GALNTL6: variants seen among roughly 807,000 people sequenced by gnomAD.
GALNTL6 encodes the protein polypeptide N-acetylgalactosaminyltransferase like 6.
Under a neutral mutation model 73.7 loss-of-function variants are expected in GALNTL6, and 46 were observed. The observed-to-expected ratio is 0.62, with a 90% confidence interval of 0.49 to 0.80. The LOEUF (loss-of-function observed/expected upper bound fraction) is 0.80. Ranked by LOEUF, GALNTL6 falls within the 30% of genes least tolerant of loss-of-function variation. The pLI is 0.00. For missense variants in GALNTL6, 604 were observed against 755.0 expected (o/e 0.80, Z 2.34); for synonymous variants, 259 against 263.7 (o/e 0.98, Z 0.17).
chr4:171,951,181 G>GA (rs1407968463), intron 2 of GALNTL6, among the ~76,000 whole-genome samples: 1 of 151,750 alleles, frequency 6.6e-6, no homozygotes, highest in Non-Finnish European at 1.5e-5. Context: ...GAAAAAGGAA[G>GA]AAAAGAAGTT....
intron 5 of GALNTL6, among the ~76,000 whole-genome samples, chr4:172,622,626 C>A (rs1458076965): frequency 6.6e-6 from 1 of 152,062 alleles, no homozygotes; most frequent in African/African-American, 2.4e-5. Flanking sequence ...ATAATATGCT[C>A]CTCTGAAACT....
intron 8 of GALNTL6, among the ~76,000 whole-genome samples, chr4:172,916,662 A>G (rs1303287616): frequency 2.0e-5 from 3 of 152,218 alleles, no homozygotes; most frequent in African/African-American, 7.2e-5. Context: ...TTCAAAGAGA[A>G]TAAAATACCT....
intron 5 of GALNTL6, among the ~76,000 whole-genome samples, chr4:172,625,697 C>T (rs774494530): frequency 6.6e-6 from 1 of 151,980 alleles, no homozygotes; most frequent in Non-Finnish European, 1.5e-5. Context: ...TGTGTATTGA[C>T]TTTTTAATAA....
At chr4:172,296,684 A>G (rs1446887136) in intron 3 of GALNTL6, among the ~76,000 whole-genome samples, 1 of 152,166 alleles carries the variant, frequency 6.6e-6, no homozygotes, top group East Asian at 1.9e-4. Context: ...CCTACAAAGG[A>G]CATGAACTCA....
chr4:172,706,857 T>C (rs1250234628), intron 5 of GALNTL6, among the ~76,000 whole-genome samples: 1 of 152,184 alleles, frequency 6.6e-6, no homozygotes, highest in Non-Finnish European at 1.5e-5. Context: ...CTGTCTCCTT[T>C]GGCTGAGATG....
intron 3 of GALNTL6, among the ~76,000 whole-genome samples, chr4:172,301,100 T>G (rs1455675416): frequency 3.3e-5 from 5 of 152,016 alleles, no homozygotes; most frequent in Non-Finnish European, 7.4e-5. Context: ...TTCTCTTCTC[T>G]CTTCATTTCA....
rs145756487 is a variant in GALNTL6 at position 172,820,353 on chromosome 4, A to C, written c.923+6630A>C. On this transcript the variant is annotated intron_variant, in intron 7 of 12. Coordinates refer to ENST00000506823, the MANE Select transcript of GALNTL6 (RefSeq NM_001034845.3). ...AAATTTTAGCATCCCACTTGGGTTAAATTTCATTGAGGGTTAGGGTTACCT... is the reference window on the plus strand; with the variant it reads ...AAATTTTAGCATCCCACTTGGGTTACATTTCATTGAGGGTTAGGGTTACCT... Among the ~76,000 whole-genome samples, 125 of 152,354 alleles carry C rather than the reference A, an allele frequency of 8.2e-4. No individual in the cohort carries two copies. The South Asian group carries it at 0.018, about 21-fold the overall frequency.
intron 5 of GALNTL6, among the ~76,000 whole-genome samples, chr4:172,520,658 G>T (rs563848566): frequency 7.9e-5 from 12 of 151,520 alleles, no homozygotes; most frequent in African/African-American, 2.9e-4. Context: ...AGAGCTTCAT[G>T]TTATTAGTAA....
chr4:172,233,245 T>C (rs1489600654), intron 3 of GALNTL6, among the ~76,000 whole-genome samples: 2 of 150,184 alleles, frequency 1.3e-5, no homozygotes, highest in East Asian at 2.0e-4. Flanking sequence ...CATGGTGACA[T>C]GTGCCTGTGG....
At chr4:171,919,160 T>A (rs912949590) in intron 2 of GALNTL6, among the ~76,000 whole-genome samples, 2 of 152,140 alleles carry the variant, frequency 1.3e-5, no homozygotes, top group Non-Finnish European at 2.9e-5. Flanking sequence ...TTACCACAGA[T>A]GAATAAAAGT....
intron 5 of GALNTL6, among the ~76,000 whole-genome samples, chr4:172,635,998 A>C (rs897868854): frequency 1.3e-5 from 2 of 152,120 alleles, no homozygotes; most frequent in African/African-American, 4.8e-5. Flanking sequence ...TCCACCTTTC[A>C]AGCACTGTCT....
At chr4:172,396,936 AT>A (rs1743869822) in intron 5 of GALNTL6, among the ~76,000 whole-genome samples, 1 of 152,196 alleles carries the variant, frequency 6.6e-6, no homozygotes, top group South Asian at 2.1e-4. Context: ...AAATTTAAAA[AT>A]AATATATAAT....
intron 2 of GALNTL6, among the ~76,000 whole-genome samples, chr4:171,970,442 T>G (rs982241549): frequency 1.3e-5 from 2 of 152,220 alleles, no homozygotes; most frequent in African/African-American, 2.4e-5. Context: ...TATTTAAATG[T>G]TCAATAAAAT....
chr4:171,866,454 A>G (rs1289271486), intron 2 of GALNTL6, among the ~76,000 whole-genome samples: 1 of 152,186 alleles, frequency 6.6e-6, no homozygotes, highest in African/African-American at 2.4e-5. Context: ...TACAAAATGA[A>G]GGGGTAAAAT....
chr4:171,934,600 G>C (rs950719479), intron 2 of GALNTL6, among the ~76,000 whole-genome samples: 1 of 151,956 alleles, frequency 6.6e-6, no homozygotes, highest in South Asian at 2.1e-4. Flanking sequence ...ATTTTTTGTA[G>C]AGACAGGGTT....
chr4:172,274,264 C>T (rs1738755361), intron 3 of GALNTL6, among the ~76,000 whole-genome samples: 1 of 152,230 alleles, frequency 6.6e-6, no homozygotes, highest in Middle Eastern at 3.4e-3. Context: ...ACCTTGTAAA[C>T]CTAGAACAAC....
At chr4:171,814,740 A>G (rs1333822156) in intron 2 of GALNTL6, 22 bp downstream of exon 2, 1 of 1,612,836 alleles carries the variant, frequency 6.2e-7, no homozygotes. Flanking sequence ...CCAGAGAAAG[A>G]TCACACAAGG....
intron 5 of GALNTL6, among the ~76,000 whole-genome samples, chr4:172,729,066 A>G (rs368692822): frequency 1.1e-4 from 17 of 151,986 alleles, no homozygotes; most frequent in African/African-American, 3.4e-4. Context: ...TAATTTGATT[A>G]TTTGGGTTTT....
intron 5 of GALNTL6, among the ~76,000 whole-genome samples, chr4:172,548,340 T>C (rs183726056): frequency 1.0e-3 from 153 of 152,344 alleles, no homozygotes; most frequent in Middle Eastern, 3.4e-3. Context: ...AGGAAGGTAC[T>C]GCACATTTAC....
Sources: gnomAD v4.1 joint callset for allele counts (sites outside exome capture counted in the v4.1 genomes callset) on GRCh38, gnomAD v4.1.1 for gene constraint, MANE v1.5 for transcripts, NCBI Gene and HGNC (gene_info 2026-07-23, HGNC 2026-07-21) for gene names.